TMEM44: variants seen among roughly 807,000 people sequenced by gnomAD.
The protein encoded by TMEM44 is transmembrane protein 44.
A neutral mutation model predicts 47.8 loss-of-function variants in TMEM44; 43 were observed. The ratio of observed to expected loss-of-function variants is 0.90; its 90% CI spans 0.70 to 1.16. The LOEUF is 1.16. Ranked by LOEUF, TMEM44 falls within the 50% of genes most tolerant of loss-of-function variation. The probability of loss-of-function intolerance (pLI) is 0.00; values close to 1 mark genes in which losing one functional copy is unlikely to be tolerated. For synonymous variants in TMEM44, 277 were observed against 238.8 expected (o/e 1.16, Z -1.48); for missense variants, 568 against 555.2 (o/e 1.02, Z -0.23).
chr3:194,606,639 A>C (rs1051453964), intron 8 of TMEM44, among the ~76,000 whole-genome samples: 5 of 152,142 alleles, frequency 3.3e-5, no homozygotes, highest in African/African-American at 1.2e-4. Context: ...TTGTTAATAA[A>C]ATAATAATAA....
chr3:194,625,281 GCT>G (rs903231397), intron 3 of TMEM44, among the ~76,000 whole-genome samples: 6 of 152,152 alleles, frequency 3.9e-5, no homozygotes, highest in African/African-American at 1.4e-4. Context: ...TGCCCATGCT[GCT>G]CTGTGTGCCT....
At chr3:194,614,465 C>T (rs548285389) in intron 7 of TMEM44, among the ~76,000 whole-genome samples, 13 of 152,250 alleles carry the variant, frequency 8.5e-5, no homozygotes, top group African/African-American at 1.2e-4. Flanking sequence ...AGTGCGGTGG[C>T]GCCATCTTGG....
chr3:194,592,557 A>C (rs889328648), intron 9 of TMEM44, among the ~76,000 whole-genome samples: 2 of 152,102 alleles, frequency 1.3e-5, no homozygotes, highest in African/African-American at 4.8e-5. Context: ...CAAAGCAGAA[A>C]GAACTCTGAC....
At chr3:194,630,076 AC>A (rs1359219046) in intron 1 of TMEM44, among the ~76,000 whole-genome samples, 14 of 95,606 alleles carry the variant, frequency 1.5e-4, no homozygotes, top group South Asian at 5.2e-4. Flanking sequence ...ACGCTGTCGT[AC>A]CTGCCTCCCG....
At chr3:194,623,464 C>A (rs545380047) in intron 4 of TMEM44, 65 bp downstream of exon 4, 63 of 1,524,512 alleles carry the variant, frequency 4.1e-5, no homozygotes, top group Non-Finnish European at 4.3e-5. Context: ...CCGGCCTCAT[C>A]CCACCCTGGG....
At chr3:194,629,295 C>T (rs1402078258) in intron 1 of TMEM44, among the ~76,000 whole-genome samples, 3 of 152,228 alleles carry the variant, frequency 2.0e-5, no homozygotes, top group Admixed American at 2.0e-4. Flanking sequence ...TGAAGTGGGG[C>T]AGCCTGGCTT....
intron 5 of TMEM44, among the ~76,000 whole-genome samples, chr3:194,620,916 A>G (rs1360784532): frequency 6.6e-6 from 1 of 151,882 alleles, no homozygotes; most frequent in Non-Finnish European, 1.5e-5. Flanking sequence ...AATCCCAGCT[A>G]CTTGGGAGGC....
In TMEM44 at chr3:194,604,591, T is replaced by G. The variant is rs561834592; in HGVS notation, c.1018-146A>C. On this transcript the variant is annotated intron_variant, in intron 8 of 9. Coordinates refer to ENST00000347147, the MANE Select transcript of TMEM44 (RefSeq NM_001011655.3). ...TACCTGTGCTCTCCTGCCCTGGCCA[T>G]CCAGCTCTCCCCAGGGCAGCCAGTG... The G allele has an allele frequency of 3.9e-4, 394 of 1,003,426 alleles. 1 individual carries two copies. Among genetic ancestry groups the G allele is most frequent in the Admixed American group, 6.5e-4 (20 of 30,776 alleles). The allele number at this position is 1,003,426 out of a possible 1,614,324, so 62.2% of individuals were successfully genotyped here.
intron 1 of TMEM44, among the ~76,000 whole-genome samples, chr3:194,631,068 G>A (rs562460512): frequency 6.0e-5 from 9 of 151,192 alleles, no homozygotes; most frequent in East Asian, 5.9e-4. Context: ...GAAATAATAC[G>A]TTGTCGCACG....
chr3:194,617,518 G>T, intron 5 of TMEM44: 1 of 609,410 alleles, frequency 1.6e-6, no homozygotes, highest in Non-Finnish European at 2.9e-6. Context: ...CCTAAGGCGA[G>T]CAAGCAACTC....
chr3:194,610,772 A>G, intron 8 of TMEM44, 144 bp downstream of exon 8: 1 of 673,750 alleles, frequency 1.5e-6, no homozygotes, highest in South Asian at 1.9e-5. Flanking sequence ...CCTCCACTGC[A>G]GCCTTGGACA....
chr3:194,617,408 G>T, intron 5 of TMEM44, 139 bp from the exon 6 acceptor site: 4 of 1,031,218 alleles, frequency 3.9e-6, no homozygotes, highest in Non-Finnish European at 5.5e-6. Context: ...TAGACTTACA[G>T]CTTTTGCTCG....
At chr3:194,616,852 G>A (rs2410905) in intron 6 of TMEM44, 33 of 533,892 alleles carry the variant, frequency 6.2e-5, no homozygotes, top group Admixed American at 4.9e-4. Context: ...CCAAGATCAC[G>A]CCACTGCACT....
chr3:194,613,342 T>C (rs1715528467), intron 7 of TMEM44, among the ~76,000 whole-genome samples: 1 of 151,034 alleles, frequency 6.6e-6, no homozygotes, highest in South Asian at 2.1e-4. Flanking sequence ...CACGCCCAGC[T>C]GATTTTTGTA....
intron 5 of TMEM44, 99 bp from the exon 6 acceptor site, chr3:194,617,368 G>T: frequency 7.6e-7 from 1 of 1,319,650 alleles, no homozygotes; most frequent in Non-Finnish European, 1.0e-6. Context: ...CCCTCTGCCT[G>T]CAGCCAGTCC....
chr3:194,588,706 C>A, intron 9 of TMEM44, 67 bp from the exon 10 acceptor site: 1 of 1,451,332 alleles, frequency 6.9e-7, no homozygotes, highest in Non-Finnish European at 9.6e-7. Flanking sequence ...GTCATAACCC[C>A]TGACCCAAAC....
rs990744843 is a variant in TMEM44 at position 194,604,209 on chromosome 3, C to T, written c.1176+78G>A. On this transcript the variant is annotated intron_variant, in intron 9 of 9. Coordinates refer to ENST00000347147, the MANE Select transcript of TMEM44 (RefSeq NM_001011655.3). ...CGTGGATAAGATGAGAACAGCTGCA[C>T]AAGCCCCAAGGAGCACCCAGCAAGT... is the stretch of plus-strand genomic sequence containing the variant. 1.7e-5 allele frequency: 26 copies of T among 1,514,020 alleles called. No individual in the cohort carries two copies. In the East Asian group the frequency reaches 3.2e-4, roughly 19 times the overall value. 93.8% of individuals were successfully genotyped at this position (1,514,020 alleles called of 1,614,324 possible). A position where few individuals can be genotyped will look rare whatever the true frequency, so the allele number is the denominator to read the frequency against.
At chr3:194,591,648 C>T (rs866670046) in intron 9 of TMEM44, among the ~76,000 whole-genome samples, 29 of 151,986 alleles carry the variant, frequency 1.9e-4, no homozygotes, top group African/African-American at 7.0e-4. Flanking sequence ...AGTCTCACTC[C>T]ATCACCCAGG....
At chr3:194,592,645 C>G (rs1712906652) in intron 9 of TMEM44, among the ~76,000 whole-genome samples, 1 of 151,564 alleles carries the variant, frequency 6.6e-6, no homozygotes, top group South Asian at 2.1e-4. Context: ...GATGGAGTTT[C>G]ACTCTTGTTG....
Sources: allele counts gnomAD v4.1 joint callset (sites outside exome capture counted in the v4.1 genomes callset), GRCh38; gene constraint gnomAD v4.1.1; transcripts MANE v1.5; gene names NCBI Gene and HGNC (gene_info 2026-07-23, HGNC 2026-07-21).